ACSS3: variants seen among roughly 807,000 people sequenced by gnomAD.
ACSS3 encodes acyl-CoA synthetase short-chain family member 3, mitochondrial.
A neutral mutation model predicts 84.2 loss-of-function variants in ACSS3; 64 were observed. The observed-to-expected ratio is 0.76, with a 90% CI of 0.62 to 0.94. The LOEUF is 0.94. Ranked by LOEUF, ACSS3 falls within the 40% of genes least tolerant of loss-of-function variation. The pLI is 0.00. For synonymous variants in ACSS3, 317 were observed against 310.1 expected (o/e 1.02, Z -0.23); for missense variants, 815 against 867.6 (o/e 0.94, Z 0.76).
intron 15 of ACSS3, 148 bp downstream of exon 15, chr12:81,253,818 G>T (rs2034224595): frequency 2.5e-6 from 2 of 787,842 alleles, no homozygotes; most frequent in Non-Finnish European, 1.9e-6. Context: ...TTAAGGGAGA[G>T]ATTATATAGC....
At position 81,139,853 on chromosome 12, in the gene ACSS3, T is replaced by A. The variant is rs917601571; in HGVS notation, c.780+588T>A. Among the ~76,000 whole-genome samples the A allele has an allele frequency of 1.2e-4, 18 of 152,024 alleles. No homozygotes were observed. The East Asian group carries it at 3.3e-3, about 28-fold the overall frequency. ...GGTTTCACCGTGTTAGCCAGGATGG[T>A]CTCGATCTCCTGACCTCGTGATCCG... is the stretch of plus-strand genomic sequence containing the variant. On this transcript the variant is annotated intron_variant, in intron 4 of 15. Transcript: ENST00000548058.
At chr12:81,203,021 G>A (rs1210666231) in intron 9 of ACSS3, among the ~76,000 whole-genome samples, 1 of 152,144 alleles carries the variant, frequency 6.6e-6, no homozygotes, top group Non-Finnish European at 1.5e-5. Flanking sequence ...TTGAGACCCT[G>A]GAATTCTGGT....
At chr12:81,202,007 C>T (rs1345213118) in intron 9 of ACSS3, among the ~76,000 whole-genome samples, 6 of 152,042 alleles carry the variant, frequency 3.9e-5, no homozygotes, top group East Asian at 3.9e-4. Context: ...GGGCTGGGTG[C>T]GGTGGTTCAA....
chr12:81,203,647 G>T (rs2032210319), intron 9 of ACSS3, among the ~76,000 whole-genome samples: 1 of 151,648 alleles, frequency 6.6e-6, no homozygotes, highest in Non-Finnish European at 1.5e-5. Context: ...ATAAAGAATT[G>T]TTGTTGTTCA....
At chr12:81,089,192 C>G (rs563891783) in intron 1 of ACSS3, among the ~76,000 whole-genome samples, 1 of 151,900 alleles carries the variant, frequency 6.6e-6, no homozygotes, top group African/African-American at 2.4e-5. Flanking sequence ...GAAATTTACT[C>G]CTCCAACCTC....
At chr12:81,186,576 G>A (rs1027630821) in intron 8 of ACSS3, among the ~76,000 whole-genome samples, 6 of 151,798 alleles carry the variant, frequency 4.0e-5, no homozygotes, top group Middle Eastern at 3.4e-3. Context: ...CTCCAAAGAA[G>A]GCATAAAAAT....
intron 1 of ACSS3, 118 bp downstream of exon 1, chr12:81,078,549 G>A: frequency 1.8e-6 from 2 of 1,107,834 alleles, no homozygotes; most frequent in Non-Finnish European, 2.6e-6. Flanking sequence ...AACTGGAGAT[G>A]TGTTCAGACC....
At chr12:81,081,772 A>T (rs1042447981) in intron 1 of ACSS3, among the ~76,000 whole-genome samples, 2 of 152,236 alleles carry the variant, frequency 1.3e-5, no homozygotes, top group African/African-American at 4.8e-5. Flanking sequence ...ATTAACAGTG[A>T]CTATAAACCA....
chr12:81,091,513 G>A lies in ACSS3; in HGVS notation c.311+13082G>A, dbSNP rs746575256. ...TCTAGCATGAGCATCGTTTTACTTC[G>A]CTAGAATATTTCAAGAGCAGTCTGA... On this transcript the variant is annotated intron_variant, in intron 1 of 15. Coordinates refer to ENST00000548058, the MANE Select transcript of ACSS3 (RefSeq NM_024560.4). Among the ~76,000 whole-genome samples, 7 of 151,888 alleles carry A rather than the reference G, an allele frequency of 4.6e-5. No individual in the cohort carries two copies. In the East Asian group the frequency reaches 5.8e-4, roughly 13 times the overall value.
chr12:81,156,823 C>T (rs1000232701), intron 7 of ACSS3, among the ~76,000 whole-genome samples: 1 of 152,100 alleles, frequency 6.6e-6, no homozygotes, highest in Non-Finnish European at 1.5e-5. Flanking sequence ...CAAGAAATCT[C>T]CAGACACAGA....
intron 11 of ACSS3, among the ~76,000 whole-genome samples, chr12:81,227,507 A>C (rs529965169): frequency 5.5e-4 from 84 of 151,922 alleles, no homozygotes; most frequent in South Asian, 1.2e-3. Context: ...TATACCTTAC[A>C]TATTTTAAGA....
chr12:81,167,353 A>C (rs1887450727), intron 7 of ACSS3, among the ~76,000 whole-genome samples: 1 of 152,214 alleles, frequency 6.6e-6, no homozygotes, highest in African/African-American at 2.4e-5. Flanking sequence ...TAGACCATTT[A>C]GGATACACAC....
At chr12:81,085,007 G>A (rs1483316486) in intron 1 of ACSS3, among the ~76,000 whole-genome samples, 1 of 150,292 alleles carries the variant, frequency 6.7e-6, no homozygotes, top group Non-Finnish European at 1.5e-5. Context: ...TGGTATCTGG[G>A]TCAAGTAAAA....
chr12:81,259,759 T>C lies in ACSS3; in HGVS notation c.*4837T>C. 1 of 998,104 alleles carries C rather than the reference T, an allele frequency of 1.0e-6. No homozygotes were observed. Among genetic ancestry groups the C allele is most frequent in the Non-Finnish European group, 1.5e-6 (1 of 673,418 alleles). The allele number at this position is 998,104 out of a possible 1,614,324, so 61.8% of individuals were successfully genotyped here. ...GTGTACCTCCACGCAGCCTGCTTAC[T>C]CCTGTCCTAGAAGATCATGAGAAGG... is the stretch of plus-strand genomic sequence containing the variant. On this transcript the variant is annotated 3_prime_UTR_variant, in exon 16 of 16. Transcript: ENST00000548058.
At chr12:81,234,696 T>C (rs867446530) in intron 13 of ACSS3, among the ~76,000 whole-genome samples, 23 of 151,606 alleles carry the variant, frequency 1.5e-4, no homozygotes, top group Middle Eastern at 3.4e-3. Context: ...CATATACCTT[T>C]TTTGATGAGG....
At chr12:81,167,877 G>A (rs1281037222) in intron 7 of ACSS3, among the ~76,000 whole-genome samples, 2 of 152,198 alleles carry the variant, frequency 1.3e-5, no homozygotes, top group Admixed American at 6.5e-5. Flanking sequence ...TGGACACAGA[G>A]TTGTATCCTT....
intron 8 of ACSS3, among the ~76,000 whole-genome samples, chr12:81,186,566 C>T (rs1362444244): frequency 6.6e-6 from 1 of 151,774 alleles, no homozygotes; most frequent in Non-Finnish European, 1.5e-5. Context: ...AAACACATTT[C>T]TCCAAAGAAG....
intron 11 of ACSS3, among the ~76,000 whole-genome samples, chr12:81,226,460 G>A (rs940689635): frequency 6.6e-6 from 1 of 151,746 alleles, no homozygotes; most frequent in African/African-American, 2.4e-5. Context: ...CACATAGTGA[G>A]CATATCAATA....
rs934965300 is a variant in ACSS3, at chr12:81,147,776, C to T, written c.922-4068C>T. ...AGAACCATTCATTTTTTTTCTCTGACGCCTGCCATCATCTGGTGATGGGTT... is the reference window on the plus strand; with the variant it reads ...AGAACCATTCATTTTTTTTCTCTGATGCCTGCCATCATCTGGTGATGGGTT... On this transcript the variant is annotated intron_variant, in intron 5 of 15. Transcript: ENST00000548058. 2.0e-5 allele frequency among the ~76,000 whole-genome samples: 3 copies of T among 152,050 alleles called. No homozygotes were observed. In the East Asian group the frequency reaches 5.8e-4, roughly 29 times the overall value.
Sources: gnomAD v4.1 joint callset for allele counts (sites outside exome capture counted in the v4.1 genomes callset) on GRCh38, gnomAD v4.1.1 for gene constraint, MANE v1.5 for transcripts, NCBI Gene and HGNC (gene_info 2026-07-23, HGNC 2026-07-21) for gene names.